RBFOX1: variants seen among roughly 807,000 people sequenced by gnomAD.
RBFOX1 encodes the protein RNA binding fox-1 homolog 1, also known as RNA binding protein fox-1 homolog 1.
RBFOX1 carries 8 observed loss-of-function variants against 57.7 expected under a neutral mutation model. The observed-to-expected ratio is 0.14, with a 90% confidence interval of 0.08 to 0.25. The LOEUF (loss-of-function observed/expected upper bound fraction) is 0.25. RBFOX1 is among the 10% of genes least tolerant of loss of function. RBFOX1 has a pLI of 1.00. For missense variants in RBFOX1, 611 were observed against 548.5 expected (o/e 1.11, Z -1.14); for synonymous variants, 326 against 222.4 (o/e 1.47, Z -4.15).
At chr16:6,710,372 C>G (rs77255097) in intron 3 of RBFOX1, among the ~76,000 whole-genome samples, 2,053 of 152,148 alleles carry the variant, frequency 0.013, 32 homozygotes, top group African/African-American at 0.038. Context: ...TTATTTAACC[C>G]AAATATCCAA....
chr16:7,690,171 G>A (rs1355661994), intron 14 of RBFOX1, among the ~76,000 whole-genome samples: 2 of 151,962 alleles, frequency 1.3e-5, no homozygotes, highest in Non-Finnish European at 1.5e-5. Context: ...TACTTTCCAG[G>A]CCCTACCCCA....
chr16:6,417,131 C>G (rs2093644863), intron 2 of RBFOX1, among the ~76,000 whole-genome samples: 1 of 152,134 alleles, frequency 6.6e-6, no homozygotes, highest in African/African-American at 2.4e-5. Context: ...CCTGCCTCAG[C>G]CTCCCAAGTA....
At chr16:6,038,372 G>C (rs1322989185) in intron 1 of RBFOX1, 1 of 149,834 alleles carries the variant, frequency 6.7e-6, no homozygotes, top group African/African-American at 2.4e-5. Flanking sequence ...GGTAGAGACA[G>C]GGTTTTACCA....
chr16:7,238,247 A>T (rs1236765280), intron 4 of RBFOX1, among the ~76,000 whole-genome samples: 1 of 152,178 alleles, frequency 6.6e-6, no homozygotes, highest in Non-Finnish European at 1.5e-5. Flanking sequence ...AGATGAAAAG[A>T]GTTCTGGAGA....
chr16:5,404,991 G>T (rs1164383890), intron 1 of RBFOX1, among the ~76,000 whole-genome samples: 1 of 152,204 alleles, frequency 6.6e-6, no homozygotes, highest in African/African-American at 2.4e-5. Context: ...ACATGCCATG[G>T]ACTATTTTAC....
intron 3 of RBFOX1, among the ~76,000 whole-genome samples, chr16:6,853,798 G>A (rs769018963): frequency 1.3e-5 from 2 of 152,102 alleles, no homozygotes; most frequent in Admixed American, 6.5e-5. Context: ...AGAAACCACC[G>A]AGGGGTAATT....
chr16:7,631,020 C>T (rs1046302462), intron 11 of RBFOX1, among the ~76,000 whole-genome samples: 11 of 152,202 alleles, frequency 7.2e-5, no homozygotes, highest in African/African-American at 2.7e-4. Flanking sequence ...ATAGCATATA[C>T]AGGCCACCCC....
intron 1 of RBFOX1, among the ~76,000 whole-genome samples, chr16:5,294,775 A>T (rs988201354): frequency 5.9e-4 from 90 of 152,068 alleles, no homozygotes; most frequent in Non-Finnish European, 1.1e-3. Context: ...TCACGCCTGT[A>T]ATCCCAGCAC....
chr16:5,555,964 C>T (rs999428518), intron 2 of RBFOX1, among the ~76,000 whole-genome samples: 10 of 152,080 alleles, frequency 6.6e-5, no homozygotes, highest in Admixed American at 2.6e-4. Context: ...GAGGTTGCAG[C>T]GAGCTGAGGT....
chr16:5,932,804 G>A (rs1371421524), intron 4 of RBFOX1, among the ~76,000 whole-genome samples: 1 of 151,944 alleles, frequency 6.6e-6, no homozygotes, highest in Non-Finnish European at 1.5e-5. Context: ...ACGTGACCTC[G>A]GGTGCTTGGT....
intron 4 of RBFOX1, among the ~76,000 whole-genome samples, chr16:7,146,077 G>C (rs867301364): frequency 6.6e-6 from 1 of 152,122 alleles, no homozygotes; most frequent in Non-Finnish European, 1.5e-5. Context: ...TTCCAAATGG[G>C]GGCAAGAATG....
At chr16:6,876,759 T>A (rs1414057254) in intron 3 of RBFOX1, among the ~76,000 whole-genome samples, 2 of 152,196 alleles carry the variant, frequency 1.3e-5, no homozygotes, top group Admixed American at 6.5e-5. Context: ...TTGTGTGCTT[T>A]TTCTTATTTA....
chr16:7,414,942 A>C lies in RBFOX1; in HGVS notation c.28-103205A>C, dbSNP rs77454611. Among the ~76,000 whole-genome samples, 974 of 152,278 alleles carry C rather than the reference A, an allele frequency of 6.4e-3. 8 individuals carry two copies. Among genetic ancestry groups the C allele is most frequent in the African/African-American group, 0.021 (877 of 41,564 alleles). ...CCCTTATTTCTAATCCCTGTAACAG[A>C]TTATGCAAGGGAAGGTGTTTCATCC... On this transcript the variant is annotated intron_variant, in intron 4 of 15. Coordinates refer to ENST00000550418, the MANE Select transcript of RBFOX1 (RefSeq NM_018723.4).
At chr16:7,324,563 C>G (rs2096586814) in intron 4 of RBFOX1, among the ~76,000 whole-genome samples, 2 of 152,226 alleles carry the variant, frequency 1.3e-5, no homozygotes, top group African/African-American at 4.8e-5. Context: ...CATTGTTGAT[C>G]TCAGCAGAGA....
intron 3 of RBFOX1, among the ~76,000 whole-genome samples, chr16:5,798,018 A>G (rs1215761113): frequency 1.3e-5 from 2 of 152,200 alleles, no homozygotes; most frequent in Non-Finnish European, 2.9e-5. Context: ...AGCCCTGGGA[A>G]TATATAAAGC....
At chr16:5,455,071 C>T (rs1357940362) in intron 1 of RBFOX1, among the ~76,000 whole-genome samples, 2 of 148,966 alleles carry the variant, frequency 1.3e-5, no homozygotes, top group African/African-American at 5.0e-5. Flanking sequence ...CTCTTTCTCT[C>T]CCTATGTCTC....
At chr16:5,803,175 A>G (rs2055114761) in intron 3 of RBFOX1, among the ~76,000 whole-genome samples, 2 of 152,200 alleles carry the variant, frequency 1.3e-5, no homozygotes, top group East Asian at 3.9e-4. Flanking sequence ...ACAGCAAAAT[A>G]AAACCTTACC....
In RBFOX1 at chr16:6,571,674, T is replaced by C. The variant is rs1600213917; in HGVS notation, c.-63-82929T>C. ...CTCTTGAGCCTGCTGAAGGCATGCC[T>C]CCTGAGATCCATTGAATAGAGCAAA... On this transcript the variant is annotated intron_variant, in intron 2 of 15. Coordinates refer to ENST00000550418, the MANE Select transcript of RBFOX1 (RefSeq NM_018723.4). 2.6e-5 allele frequency among the ~76,000 whole-genome samples: 4 copies of C among 152,124 alleles called. No individual in the cohort carries two copies. The East Asian group carries it at 7.7e-4, about 29-fold the overall frequency.
intron 14 of RBFOX1, 70 bp from the exon 15 acceptor site, chr16:7,708,986 G>C (rs2083395475): frequency 3.5e-6 from 5 of 1,442,990 alleles, no homozygotes; most frequent in South Asian, 1.2e-5. Context: ...TTGGTATTTT[G>C]GATTTTATGA....
Sources: allele counts gnomAD v4.1 joint callset (sites outside exome capture counted in the v4.1 genomes callset), GRCh38; gene constraint gnomAD v4.1.1; transcripts MANE v1.5; gene names NCBI Gene and HGNC (gene_info 2026-07-23, HGNC 2026-07-21).